The following JAG2 variants were observed in gnomAD, a reference collection of about 807,000 sequenced individuals.
JAG2 encodes protein jagged-2.
A neutral mutation model predicts 141.7 loss-of-function variants in JAG2; 46 were observed. That is an observed-to-expected ratio of 0.32 (90% CI 0.26 to 0.42). The LOEUF (loss-of-function observed/expected upper bound fraction) is 0.42. JAG2 is among the 10% of genes least tolerant of loss of function. JAG2 has a pLI of 1.00. For missense variants in JAG2, 1,500 were observed against 1,817.5 expected, an observed-to-expected ratio of 0.83 and a Z score of 3.18; for synonymous variants, 862 against 763.5, an observed-to-expected ratio of 1.13 and a Z score of -2.13.
chr14:105,143,931 T>TGTCCCCATCCGGGCGCACGGGACA (rs1239055491), intron 24 of JAG2, among the ~76,000 whole-genome samples: 3 of 131,748 alleles, frequency 2.3e-5, no homozygotes, highest in Admixed American at 1.6e-4. Flanking sequence ...GGGTGGAGGA[T>TGTCCCCATCCGGGCGCACGGGACA]GTCCCCATCC....
rs967566870 is a variant in JAG2 at position 105,168,305 on chromosome 14, G to A, written c.66+50C>T. On this transcript the variant is annotated intron_variant, in intron 1 of 25. Transcript: ENST00000331782. ...AGTGCCCGCCCGGCCCCTAGGGGCGGCCCGGTGTGCCCCGTCCGCGACCCC... is the reference window on the plus strand; with the variant it reads ...AGTGCCCGCCCGGCCCCTAGGGGCGACCCGGTGTGCCCCGTCCGCGACCCC... 17 of 689,666 alleles carry A rather than the reference G, an allele frequency of 2.5e-5. No homozygotes were observed. The African/African-American group carries it at 3.4e-4, about 14-fold the overall frequency. 42.7% of individuals were successfully genotyped at this position (689,666 alleles called of 1,614,324 possible).
chr14:105,153,227 C>T (rs1479674054), intron 5 of JAG2, among the ~76,000 whole-genome samples: 1 of 152,234 alleles, frequency 6.6e-6, no homozygotes, highest in Non-Finnish European at 1.5e-5. Flanking sequence ...CTGAGCCGCC[C>T]TCAAGCCACA....
At chr14:105,161,549 C>T (rs1432058917) in intron 2 of JAG2, among the ~76,000 whole-genome samples, 2 of 152,136 alleles carry the variant, frequency 1.3e-5, no homozygotes, top group African/African-American at 2.4e-5. Flanking sequence ...GTGTGCCTGC[C>T]CGCCCGCCGA....
At chr14:105,147,986 G>GGGGGCC in intron 17 of JAG2, 98 bp from the exon 18 acceptor site, 1 of 1,079,170 alleles carries the variant, frequency 9.3e-7, no homozygotes. Flanking sequence ...AGACAGACCC[G>GGGGGCC]GGGGCAGGGG....
Position 105,148,143 on chromosome 14 carries a change from CG to C in JAG2, c.2220del (p.Gly741AlafsTer21), listed in dbSNP as rs1555369773. ...ACGGCGCAGGTGCTGCCCTTCCAGC[CG>C]GGGGGGCAGGCGCAGCGGAAGGTGT... The part of the protein sequence containing the change: ...SGDTFRCACP[P>X]GWKGSTCAVA... On this transcript the variant is annotated frameshift_variant, in exon 17 of 26. Transcript: ENST00000331782. LOFTEE classifies it high-confidence loss of function. The C allele has an allele frequency of 6.5e-7, 1 of 1,549,106 alleles. No homozygotes were observed.
At position 105,149,391 on chromosome 14, in the gene JAG2, C is replaced by T. The variant is rs1888341940; in HGVS notation, c.1603-71G>A. On this transcript the variant is annotated intron_variant, in intron 12 of 25. Transcript: ENST00000331782. Reference sequence around the variant, plus strand: ...CCGGGAACACAGGCCAGGCCTCTGTCCATACGAAGGTAGATCCCTGGGGAC... The same window carrying T: ...CCGGGAACACAGGCCAGGCCTCTGTTCATACGAAGGTAGATCCCTGGGGAC... 9.4e-6 allele frequency: 15 copies of T among 1,596,204 alleles called. No individual in the cohort carries two copies. In the South Asian group the frequency reaches 1.4e-4, roughly 15 times the overall value.
chr14:105,164,881 G>A (rs1291099458), intron 2 of JAG2, among the ~76,000 whole-genome samples: 1 of 152,078 alleles, frequency 6.6e-6, no homozygotes, highest in African/African-American at 2.4e-5. Flanking sequence ...CCTTCTGATG[G>A]CCCAGGACCT....
chr14:105,142,893 G>A lies in JAG2; in HGVS notation c.3519C>T (p.Ala1173=), dbSNP rs749175815. Reference sequence around the variant, plus strand: ...CCTCGTCCTCCTCATCCTCCCTGACGGCCGCGTGGCCGGCCGGCCCGGGCA... The same window carrying A: ...CCTCGTCCTCCTCATCCTCCCTGACAGCCGCGTGGCCGGCCGGCCCGGGCA... ...EALPGPAGHA[A]VREDEEDEDL... Residue 1173 remains alanine (A), a synonymous_variant, in exon 26 of 26, where the codon GCC becomes GCT. Transcript: ENST00000331782. The A allele has an allele frequency of 1.3e-5, 21 of 1,598,436 alleles. No homozygotes were observed. Among genetic ancestry groups the A allele is most frequent in the Non-Finnish European group, 1.7e-5 (20 of 1,172,584 alleles).
In JAG2 at chr14:105,143,130, C is replaced by T. The variant is rs372127675; in HGVS notation, c.3282G>A (p.Leu1094=). 1.3e-5 allele frequency: 20 copies of T among 1,599,052 alleles called. No homozygotes were observed. Among genetic ancestry groups the T allele is most frequent in the Non-Finnish European group, 1.6e-5 (19 of 1,179,704 alleles). The change falls in exon 26 of 26, where the codon CTG becomes CTA. Residue 1094 remains leucine, a synonymous_variant. Coordinates refer to ENST00000331782, the MANE Select transcript of JAG2 (RefSeq NM_002226.5). The part of the protein sequence containing the change: ...VPVLCGAFSV[L]WLACVVLCVW... ...CGCACAGGACCACGCACGCCAGCCA[C>T]AGCACGCTGAAGGCACCACACAGCA...
intron 2 of JAG2, among the ~76,000 whole-genome samples, chr14:105,163,897 T>G (rs2140995035): frequency 6.6e-6 from 1 of 152,196 alleles, no homozygotes; most frequent in African/African-American, 2.4e-5. Context: ...GGATAGCGAC[T>G]GTGGCTGGGG....
Position 105,168,119 on chromosome 14 carries a change from G to T in JAG2, c.67-12C>A. The T allele has an allele frequency of 6.5e-7, 1 of 1,528,002 alleles. No homozygotes were observed. Among genetic ancestry groups the T allele is most frequent in the Non-Finnish European group, 8.7e-7 (1 of 1,146,548 alleles). 94.7% of individuals were successfully genotyped at this position (1,528,002 alleles called of 1,614,324 possible). A position where few individuals can be genotyped will look rare whatever the true frequency, so the allele number is the denominator to read the frequency against. On this transcript the variant is annotated splice_polypyrimidine_tract_variant and intron_variant, in intron 1 of 25. Transcript: ENST00000331782. The stretch of plus-strand genomic sequence containing the variant: ...ATGGGCCGCGCCGCCTAAAAATAAG[G>T]CAGCGGGAGAGCGGAGGGAGGCGCG...
At chr14:105,166,425 G>A (rs1467095499) in intron 2 of JAG2, among the ~76,000 whole-genome samples, 1 of 152,372 alleles carries the variant, frequency 6.6e-6, no homozygotes, top group Non-Finnish European at 1.5e-5. Flanking sequence ...GGGGGCGAGG[G>A]GCTGGGCTTC....
chr14:105,147,713 G>T, intron 18 of JAG2, 59 bp downstream of exon 18: 1 of 1,267,622 alleles, frequency 7.9e-7, no homozygotes. Context: ...CGAGTCGGGG[G>T]CAGGGATGTC....
chr14:105,146,580 CCCCAACCCAG>C, intron 21 of JAG2, 21 bp downstream of exon 21: 1 of 1,609,360 alleles, frequency 6.2e-7, no homozygotes. Flanking sequence ...CCCCAACCCG[CCCCAACCCAG>C]GGCAATCACA....
chr14:105,160,445 C>CTTCG (rs1888714088), intron 2 of JAG2, among the ~76,000 whole-genome samples: 1 of 150,544 alleles, frequency 6.6e-6, no homozygotes, highest in Non-Finnish European at 1.5e-5. Flanking sequence ...TGGCTCCTTC[C>CTTCG]TTCGTTCCTT....
rs185338518 is a variant in JAG2, at chr14:105,148,500, G to C, written c.2021-61C>G. 6.8e-3 allele frequency: 8,501 copies of C among 1,257,612 alleles called. 354 individuals are homozygous for C. The Admixed American group carries it at 0.087, about 13-fold the overall frequency. 77.9% of individuals were successfully genotyped at this position (1,257,612 alleles called of 1,614,324 possible). ...CACCGGCGCTCAGGGAGGGCTTCCC[G>C]GGGGAGGAAGCACTGGAGCTGGGCC... On this transcript the variant is annotated intron_variant, in intron 15 of 25. Coordinates refer to ENST00000331782, the MANE Select transcript of JAG2 (RefSeq NM_002226.5).
At chr14:105,158,067 C>G (rs1888630199) in intron 2 of JAG2, among the ~76,000 whole-genome samples, 1 of 152,210 alleles carries the variant, frequency 6.6e-6, no homozygotes, top group African/African-American at 2.4e-5. Context: ...GCACGGAGCA[C>G]AGGAAGAGCG....
At position 105,142,700 on chromosome 14, in the gene JAG2, C is replaced by T; in HGVS notation, c.3712G>A (p.Glu1238Lys). The T allele has an allele frequency of 1.9e-6, 3 of 1,597,324 alleles. No homozygotes were observed. The highest frequency in any genetic ancestry group is 2.6e-6 in the Non-Finnish European group (3 of 1,172,494). The change falls in exon 26 of 26, where the codon GAG becomes AAG. Residue 1238 changes from glutamate (E) to lysine (K), a missense_variant. By Grantham distance (56) the Glu-to-Lys change is moderately conservative. Coordinates refer to ENST00000331782, the MANE Select transcript of JAG2 (RefSeq NM_002226.5). ...SINEARYAGKE is the reference protein window; with the variant it reads ...SINEARYAGKK ...GGCCCAGCTGGCAGCCGCCCCTACTCCTTGCCGGCGTAGCGGGCCTCATTG... is the reference window on the plus strand; with the variant it reads ...GGCCCAGCTGGCAGCCGCCCCTACTTCTTGCCGGCGTAGCGGGCCTCATTG...
chr14:105,165,309 A>G (rs1017721592), intron 2 of JAG2, among the ~76,000 whole-genome samples: 3 of 152,144 alleles, frequency 2.0e-5, no homozygotes, highest in Admixed American at 6.5e-5. Flanking sequence ...CCAAACCTCC[A>G]TCACCACCTG....
Sources: allele counts gnomAD v4.1 joint callset (sites outside exome capture counted in the v4.1 genomes callset), GRCh38; gene constraint gnomAD v4.1.1; transcripts MANE v1.5; gene names NCBI Gene and HGNC (gene_info 2026-07-23, HGNC 2026-07-21).